SPMIP2: variants seen among roughly 807,000 people sequenced by gnomAD.
SPMIP2 encodes protein SPMIP2.
At chr4:158,929,805 G>T in the SPMIP2 span, among the ~76,000 whole-genome samples, 1 of 152,070 alleles carries the variant, frequency 6.6e-6, no homozygotes, top group African/African-American at 2.4e-5. Flanking sequence ...TCACATAGGA[G>T]AAAAGAGAAG....
the SPMIP2 span, among the ~76,000 whole-genome samples, chr4:158,952,161 A>G: frequency 6.6e-6 from 1 of 152,210 alleles, no homozygotes; most frequent in East Asian, 1.9e-4. Context: ...AGTAAAATTT[A>G]CCAATGAATC....
chr4:158,984,928 C>T, the SPMIP2 span, among the ~76,000 whole-genome samples: 1 of 151,704 alleles, frequency 6.6e-6, no homozygotes, highest in African/African-American at 2.4e-5. Flanking sequence ...CAAATAGACG[C>T]AATAAAAAAT....
At chr4:158,934,956 T>C in the SPMIP2 span, among the ~76,000 whole-genome samples, 1 of 152,230 alleles carries the variant, frequency 6.6e-6, no homozygotes, top group Non-Finnish European at 1.5e-5. Flanking sequence ...ATACCTATTA[T>C]ATATCAGGTA....
chr4:158,957,969 C>T, the SPMIP2 span, among the ~76,000 whole-genome samples: 78 of 152,156 alleles, frequency 5.1e-4, no homozygotes, highest in Non-Finnish European at 1.1e-3. Flanking sequence ...AAAACATTTG[C>T]TTTTGAGAAA....
the SPMIP2 span, among the ~76,000 whole-genome samples, chr4:159,014,753 T>C: frequency 5.3e-4 from 81 of 152,178 alleles, no homozygotes; most frequent in African/African-American, 1.6e-3. Context: ...CTGGGTTACA[T>C]TGGAAGAAGA....
the SPMIP2 span, among the ~76,000 whole-genome samples, chr4:159,023,322 C>T: frequency 6.6e-6 from 1 of 152,104 alleles, no homozygotes; most frequent in Non-Finnish European, 1.5e-5. Flanking sequence ...CACTTGGACC[C>T]TCAGACATCA....
At chr4:158,925,686 G>C in the SPMIP2 span, among the ~76,000 whole-genome samples, 1 of 152,208 alleles carries the variant, frequency 6.6e-6, no homozygotes, top group Admixed American at 6.5e-5. Flanking sequence ...GAAGAGCTCA[G>C]GCAGTAATGC....
the SPMIP2 span, among the ~76,000 whole-genome samples, chr4:158,963,638 C>T: frequency 1.3e-5 from 2 of 152,308 alleles, no homozygotes; most frequent in East Asian, 1.9e-4. Context: ...CTGGTATACA[C>T]GTGTTCTCAG....
At chr4:158,904,726 G>C in the SPMIP2 span, 1 of 585,832 alleles carries the variant, frequency 1.7e-6, no homozygotes, top group East Asian at 2.9e-5. Context: ...AGGTTTACTT[G>C]ACATAATAGC....
the SPMIP2 span, among the ~76,000 whole-genome samples, chr4:158,921,059 GA>G: frequency 6.6e-6 from 1 of 152,222 alleles, no homozygotes; most frequent in African/African-American, 2.4e-5. Flanking sequence ...AAAATAGAAA[GA>G]ACCTACGTTG....
At chr4:159,016,600 T>A in the SPMIP2 span, among the ~76,000 whole-genome samples, 7 of 152,210 alleles carry the variant, frequency 4.6e-5, no homozygotes, top group African/African-American at 1.7e-4. Flanking sequence ...TAGATGGCCA[T>A]CTTTTCTATT....
At chr4:158,986,529 G>C in the SPMIP2 span, among the ~76,000 whole-genome samples, 2 of 149,996 alleles carry the variant, frequency 1.3e-5, no homozygotes, top group Admixed American at 1.3e-4. Context: ...AAGCAATGGA[G>C]AAAGGATTCC....
At chr4:158,948,096 T>A in the SPMIP2 span, among the ~76,000 whole-genome samples, 380 of 152,318 alleles carry the variant, frequency 2.5e-3, 3 homozygotes, top group East Asian at 7.1e-3. Flanking sequence ...AAGCTCCTTC[T>A]GGAGCCCCCA....
the SPMIP2 span, among the ~76,000 whole-genome samples, chr4:158,971,686 A>G: frequency 6.6e-6 from 1 of 152,192 alleles, no homozygotes; most frequent in Non-Finnish European, 1.5e-5. Context: ...GGCTTGATAC[A>G]TGCTAGTTAC....
chr4:158,976,479 A>G, the SPMIP2 span, among the ~76,000 whole-genome samples: 189 of 151,978 alleles, frequency 1.2e-3, 1 homozygote, highest in East Asian at 0.016. Flanking sequence ...TAGTCTACTG[A>G]GTGGTTTTAG....
chr4:158,947,615 T>C, the SPMIP2 span, among the ~76,000 whole-genome samples: 1 of 152,208 alleles, frequency 6.6e-6, no homozygotes, highest in Non-Finnish European at 1.5e-5. Flanking sequence ...ATGAAGCAAA[T>C]ATATCTATTA....
chr4:159,026,255 T>C, the SPMIP2 span: 1 of 542,024 alleles, frequency 1.8e-6, no homozygotes, highest in South Asian at 1.7e-5. Flanking sequence ...TGTATCATCA[T>C]TTGTGATGAC....
At chr4:158,946,180 A>AT in the SPMIP2 span, among the ~76,000 whole-genome samples, 1 of 152,170 alleles carries the variant, frequency 6.6e-6, no homozygotes, top group Non-Finnish European at 1.5e-5. Context: ...AAATGAACTG[A>AT]TTTTTCCCCC....
At chr4:159,049,674 A>T in the SPMIP2 span, among the ~76,000 whole-genome samples, 1 of 152,180 alleles carries the variant, frequency 6.6e-6, no homozygotes, top group Non-Finnish European at 1.5e-5. Context: ...TTTTCCATCA[A>T]CTTTTCTTAA....
Sources: allele counts gnomAD v4.1 joint callset (sites outside exome capture counted in the v4.1 genomes callset), GRCh38; gene constraint gnomAD v4.1.1; transcripts MANE v1.5; gene names NCBI Gene and HGNC (gene_info 2026-07-23, HGNC 2026-07-21).